Variants in MTNAP1 observed in about 807,000 individuals in gnomAD.
The protein encoded by MTNAP1 is mitochondrial nucleoid associated protein 1.
At chr17:73,234,930 C>CTGGGCG in the MTNAP1 span, among the ~76,000 whole-genome samples, 2 of 152,042 alleles carry the variant, frequency 1.3e-5, no homozygotes, top group South Asian at 2.1e-4. Flanking sequence ...TAACCTTTGG[C>CTGGGCG]TGGGCGTGGG....
At chr17:73,236,899 C>G in the MTNAP1 span, 1 of 1,614,026 alleles carries the variant, frequency 6.2e-7, no homozygotes, top group Non-Finnish European at 8.5e-7. Context: ...TCCTGGTTAC[C>G]TTGGACTAGG....
the MTNAP1 span, among the ~76,000 whole-genome samples, chr17:73,246,794 T>A: frequency 1.3e-5 from 2 of 152,224 alleles, no homozygotes; most frequent in Non-Finnish European, 1.5e-5. Context: ...GGAAGAGTTC[T>A]ACATTCAGTT....
chr17:73,240,011 C>A, the MTNAP1 span, among the ~76,000 whole-genome samples: 3 of 152,184 alleles, frequency 2.0e-5, no homozygotes, highest in Non-Finnish European at 2.9e-5. Flanking sequence ...CAGTAAGCCT[C>A]AAGTAGAGTT....
At chr17:73,232,608 G>A in the MTNAP1 span, 1 of 323,774 alleles carries the variant, frequency 3.1e-6, no homozygotes, top group African/African-American at 2.1e-5. Context: ...CTATCCGGCA[G>A]TGGTGCAGAC....
the MTNAP1 span, chr17:73,236,975 AG>A: frequency 6.3e-7 from 1 of 1,580,452 alleles, no homozygotes; most frequent in Middle Eastern, 1.7e-4. Context: ...ATCAGTCCCC[AG>A]GGGGAAAGAC....
At chr17:73,247,373 A>G in the MTNAP1 span, 16 of 1,606,616 alleles carry the variant, frequency 1.0e-5, no homozygotes, top group Non-Finnish European at 7.7e-6. Context: ...AGCCTTCGTG[A>G]CTTCTCTCTA....
the MTNAP1 span, among the ~76,000 whole-genome samples, chr17:73,244,301 G>T: frequency 6.6e-6 from 1 of 152,042 alleles, no homozygotes; most frequent in Non-Finnish European, 1.5e-5. Flanking sequence ...GGTGGCTCAC[G>T]CCTGTAATCC....
the MTNAP1 span, chr17:73,247,224 C>T: frequency 6.2e-7 from 1 of 1,607,712 alleles, no homozygotes; most frequent in Non-Finnish European, 8.5e-7. Flanking sequence ...AAAATATTTA[C>T]TATCTGGCCT....
the MTNAP1 span, chr17:73,248,464 T>C: frequency 2.6e-6 from 4 of 1,550,328 alleles, no homozygotes; most frequent in Non-Finnish European, 3.5e-6. Flanking sequence ...TCTGTGGCAT[T>C]GGAGTGCCCC....
chr17:73,243,823 G>A, the MTNAP1 span, among the ~76,000 whole-genome samples: 52 of 152,240 alleles, frequency 3.4e-4, no homozygotes, highest in East Asian at 1.5e-3. Flanking sequence ...ATGAGCCACC[G>A]CACTCAGCCT....
the MTNAP1 span, among the ~76,000 whole-genome samples, chr17:73,240,929 A>G: frequency 7.4e-4 from 112 of 152,192 alleles, no homozygotes; most frequent in African/African-American, 2.6e-3. Flanking sequence ...CTTCTGTGCA[A>G]TTTCTTGGAA....
At chr17:73,236,184 T>C in the MTNAP1 span, 1 of 1,614,164 alleles carries the variant, frequency 6.2e-7, no homozygotes, top group Non-Finnish European at 8.5e-7. Flanking sequence ...CTCCAAAGAA[T>C]GTCAGTGATG....
chr17:73,235,368 G>T, the MTNAP1 span: 1 of 961,966 alleles, frequency 1.0e-6, no homozygotes, highest in South Asian at 1.9e-5. Context: ...ACCGTAAGTA[G>T]CAAACATCTA....
chr17:73,235,985 A>C, the MTNAP1 span: 12 of 1,614,236 alleles, frequency 7.4e-6, no homozygotes, highest in Non-Finnish European at 1.0e-5. Context: ...AATCCTTCAG[A>C]AGCTGGAGCG....
chr17:73,242,819 G>A, the MTNAP1 span: 1 of 1,162,606 alleles, frequency 8.6e-7, no homozygotes, highest in Non-Finnish European at 1.2e-6. Context: ...AGGCTAACTG[G>A]GAAAACTTGA....
chr17:73,233,553 A>AAAGG, the MTNAP1 span, among the ~76,000 whole-genome samples: 1 of 152,198 alleles, frequency 6.6e-6, no homozygotes, highest in East Asian at 1.9e-4. Flanking sequence ...AGAAAGAAAG[A>AAAGG]ATGATGGCTC....
the MTNAP1 span, chr17:73,245,818 T>C: frequency 8.7e-6 from 6 of 686,330 alleles, no homozygotes; most frequent in Non-Finnish European, 9.0e-6. Flanking sequence ...TTATACATCT[T>C]AATTGAGTAT....
chr17:73,234,855 A>G, the MTNAP1 span, among the ~76,000 whole-genome samples: 1 of 149,912 alleles, frequency 6.7e-6, no homozygotes, highest in African/African-American at 2.4e-5. Flanking sequence ...GGTAATTCTA[A>G]TATTTTCTTC....
chr17:73,245,435 A>G, the MTNAP1 span: 1 of 1,181,322 alleles, frequency 8.5e-7, no homozygotes, highest in Non-Finnish European at 1.0e-6. Flanking sequence ...ACTGAGAATT[A>G]GAGAAAAACT....
Sources: gnomAD v4.1 joint callset for allele counts (sites outside exome capture counted in the v4.1 genomes callset) on GRCh38, gnomAD v4.1.1 for gene constraint, MANE v1.5 for transcripts, NCBI Gene and HGNC (gene_info 2026-07-23, HGNC 2026-07-21) for gene names.